KIRREL3: variants seen among roughly 807,000 people sequenced by gnomAD.
KIRREL3 encodes the protein kin of IRRE-like protein 3.
Under a neutral mutation model 89.7 loss-of-function variants are expected in KIRREL3, and 36 were observed. That is an observed-to-expected ratio of 0.40 (90% confidence interval 0.31 to 0.53). The LOEUF is 0.53. KIRREL3 is among the 20% of genes least tolerant of loss of function. The pLI is 0.49. For synonymous variants in KIRREL3, 445 were observed against 441.4 expected (o/e 1.01, Z -0.10); for missense variants, 864 against 1,056.6 (o/e 0.82, Z 2.53).
intron 4 of KIRREL3, among the ~76,000 whole-genome samples, chr11:126,481,435 C>T (rs1359364133): frequency 3.3e-5 from 5 of 152,248 alleles, no homozygotes; most frequent in Non-Finnish European, 5.9e-5. Flanking sequence ...CCAGACCTCT[C>T]TCTTGAGCTC....
rs1592121864 is a variant in KIRREL3 at position 126,783,152 on chromosome 11, GCTTCC to G, written c.55+217298_55+217302del. On this transcript the variant is annotated intron_variant, in intron 1 of 16. Coordinates refer to ENST00000525144, the MANE Select transcript of KIRREL3 (RefSeq NM_032531.4). The surrounding 1 kb of genome is among the most constrained non-coding windows in gnomAD (Gnocchi z 4.3). ...AAAATTAAGGTGTCTGCAGAGCCAT[GCTTCC>G]CCTGAAACCTGGAGGAGAGAATCCT... Among the ~76,000 whole-genome samples, 1 of 152,314 alleles carries G rather than the reference GCTTCC, an allele frequency of 6.6e-6. No individual in the cohort carries two copies. Among genetic ancestry groups the G allele is most frequent in the East Asian group, 1.9e-4 (1 of 5,184 alleles).
At chr11:126,982,910 T>C (rs1336801720) in intron 1 of KIRREL3, among the ~76,000 whole-genome samples, 1 of 152,226 alleles carries the variant, frequency 6.6e-6, no homozygotes, top group Non-Finnish European at 1.5e-5. Context: ...TCTAGACTAA[T>C]AAAGCCAAAG....
At position 126,622,789 on chromosome 11, in the gene KIRREL3, C is replaced by A. The variant is rs1334851982; in HGVS notation, c.56-59877G>T. On this transcript the variant is annotated intron_variant, in intron 1 of 16. Coordinates refer to ENST00000525144, the MANE Select transcript of KIRREL3 (RefSeq NM_032531.4). This position sits in a 1 kb window ranked among gnomAD's most constrained non-coding sequence, Gnocchi z 5.2. ...CTCTAAAAGGAGAAAATAATCACAC[C>A]AGCTACACTTTTTACAGTGCTAACT... Among the ~76,000 whole-genome samples the A allele has an allele frequency of 6.6e-6, 1 of 152,182 alleles. No individual in the cohort carries two copies. The highest frequency in any genetic ancestry group is 1.5e-5 in the Non-Finnish European group (1 of 68,036).
rs12804292 is a variant in KIRREL3, at chr11:126,530,125, G to A, written c.134-3438C>T. On this transcript the variant is annotated intron_variant, in intron 2 of 16. Transcript: ENST00000525144. The surrounding 1 kb of genome is among the most constrained non-coding windows in gnomAD (Gnocchi z 5.8). ...TTTTGAGACTGAGTCTCACTCTGTC[G>A]CCCAGGCTGGAGTTCAGTGGGGCAA... 2.0e-5 allele frequency among the ~76,000 whole-genome samples: 3 copies of A among 152,084 alleles called. No individual in the cohort carries two copies. In the South Asian group the frequency reaches 6.2e-4, roughly 32 times the overall value.
At chr11:126,749,737 G>A (rs1213167757) in intron 1 of KIRREL3, among the ~76,000 whole-genome samples, 9 of 152,122 alleles carry the variant, frequency 5.9e-5, no homozygotes, top group African/African-American at 2.2e-4. Context: ...TTAAGGGGTG[G>A]AGGTGAGGAA....
chr11:126,831,913 A>G (rs769302284), intron 1 of KIRREL3, among the ~76,000 whole-genome samples: 1 of 152,222 alleles, frequency 6.6e-6, no homozygotes, highest in South Asian at 2.1e-4. Context: ...CATTGTTTAG[A>G]AATTGCCTTC....
intron 1 of KIRREL3, among the ~76,000 whole-genome samples, chr11:126,632,817 C>T (rs999987426): frequency 4.7e-4 from 18 of 38,518 alleles, no homozygotes; most frequent in African/African-American, 1.2e-3. Flanking sequence ...AAAGACCAGG[C>T]GCGGTAGCTC....
intron 1 of KIRREL3, among the ~76,000 whole-genome samples, chr11:126,819,192 C>A (rs570881618): frequency 6.6e-6 from 1 of 152,244 alleles, no homozygotes; most frequent in South Asian, 2.1e-4. Context: ...GCATGCTGGG[C>A]AGCCTGAGGC....
chr11:126,959,408 C>G (rs1040054356), intron 1 of KIRREL3, among the ~76,000 whole-genome samples: 3 of 152,128 alleles, frequency 2.0e-5, no homozygotes, highest in African/African-American at 7.2e-5. Context: ...TTTCTGGAAA[C>G]CCCTGACTCT....
At chr11:126,794,496 C>T (rs1036218658) in intron 1 of KIRREL3, among the ~76,000 whole-genome samples, 1 of 152,170 alleles carries the variant, frequency 6.6e-6, no homozygotes, top group Non-Finnish European at 1.5e-5. Context: ...AATAAAAGCT[C>T]CCTCACAGGG....
chr11:126,816,995 C>T lies in KIRREL3; in HGVS notation c.55+183460G>A, dbSNP rs141771117. ...ATATCATGGGTGTTTAAAGGAAACA[C>T]GTTACTTTAGGGAAGGAAGAACCTG... On this transcript the variant is annotated intron_variant, in intron 1 of 16. Transcript: ENST00000525144. Among the ~76,000 whole-genome samples the T allele has an allele frequency of 8.6e-3, 1,310 of 152,168 alleles. 13 individuals carry two copies. The highest frequency in any genetic ancestry group is 0.03 in the African/African-American group (1,259 of 41,504).
intron 1 of KIRREL3, among the ~76,000 whole-genome samples, chr11:126,700,518 C>T (rs1947273254): frequency 1.3e-5 from 2 of 152,192 alleles, no homozygotes; most frequent in South Asian, 2.1e-4. Flanking sequence ...GGCAAAACTG[C>T]AATTACTTTT....
chr11:126,547,678 A>G (rs961818734), intron 2 of KIRREL3, among the ~76,000 whole-genome samples: 2 of 152,192 alleles, frequency 1.3e-5, no homozygotes, highest in Non-Finnish European at 2.9e-5. Context: ...GCAGGATCAG[A>G]GGGGCCGCCT....
intron 1 of KIRREL3, among the ~76,000 whole-genome samples, chr11:126,631,113 C>CTGTA (rs148372556): frequency 0.067 from 6,511 of 97,100 alleles, 211 homozygotes; most frequent in African/African-American, 0.13. Flanking sequence ...TGCAATCAGT[C>CTGTA]TGTATGTATG....
In KIRREL3 at chr11:126,564,874, G is replaced by A. The variant is rs139445576; in HGVS notation, c.56-1962C>T. 2.8e-4 allele frequency among the ~76,000 whole-genome samples: 43 copies of A among 152,314 alleles called. No individual in the cohort carries two copies. Among genetic ancestry groups the A allele is most frequent in the African/African-American group, 8.2e-4 (34 of 41,568 alleles). On this transcript the variant is annotated intron_variant, in intron 1 of 16. Transcript: ENST00000525144. The surrounding 1 kb of genome is among the most constrained non-coding windows in gnomAD (Gnocchi z 7.4). ...GGAGACTGTATTGAAACCTCAACAC[G>A]CTGACGACAGGCAGAGTTAACCAGC...
At chr11:126,621,587 A>C (rs979419529) in intron 1 of KIRREL3, among the ~76,000 whole-genome samples, 1 of 152,112 alleles carries the variant, frequency 6.6e-6, no homozygotes, top group Non-Finnish European at 1.5e-5. Context: ...TCTTAGATAC[A>C]CTCTTTATAA....
chr11:126,483,197 G>C (rs990295654), intron 4 of KIRREL3, among the ~76,000 whole-genome samples: 1 of 152,170 alleles, frequency 6.6e-6, no homozygotes, highest in Non-Finnish European at 1.5e-5. Flanking sequence ...AGTTCTTCTG[G>C]TTTGTTACCA....
At chr11:126,590,280 C>T (rs1196080666) in intron 1 of KIRREL3, among the ~76,000 whole-genome samples, 3 of 152,146 alleles carry the variant, frequency 2.0e-5, no homozygotes, top group Admixed American at 6.5e-5. Flanking sequence ...AGAAGAAGAA[C>T]ATCACCTCCC....
At chr11:126,518,875 G>C (rs1248912212) in intron 4 of KIRREL3, among the ~76,000 whole-genome samples, 3 of 152,260 alleles carry the variant, frequency 2.0e-5, no homozygotes, top group African/African-American at 7.2e-5. Context: ...TTGGGGACCT[G>C]GGAGTGTCCC....
Sources: allele counts gnomAD v4.1 joint callset (sites outside exome capture counted in the v4.1 genomes callset), GRCh38; gene constraint gnomAD v4.1.1; non-coding constraint Gnocchi (gnomAD v3.1); transcripts MANE v1.5; gene names NCBI Gene and HGNC (gene_info 2026-07-23, HGNC 2026-07-21).